Variants in YBX1 observed in about 807,000 individuals in gnomAD.
YBX1 encodes the protein Y-box-binding protein 1.
Under a neutral mutation model 41.4 loss-of-function variants are expected in YBX1, and 3 were observed. The observed-to-expected ratio is 0.07, with a 90% CI of 0.03 to 0.19. YBX1 has a LOEUF of 0.19. Ranked by LOEUF, YBX1 falls within the 10% of genes least tolerant of loss-of-function variation. The pLI, the probability that YBX1 is intolerant of heterozygous loss-of-function variation, is 1.00. For synonymous variants in YBX1, 133 were observed against 165.8 expected, an observed-to-expected ratio of 0.80 and a Z score of 1.52; for missense variants, 274 against 462.8, an observed-to-expected ratio of 0.59 and a Z score of 3.74.
In YBX1 at chr1:42,703,509, T is replaced by G. The variant is rs769894836; in HGVS notation, c.*1560T>G. On this transcript the variant is annotated 3_prime_UTR_variant, in exon 8 of 8. Coordinates refer to ENST00000321358, the MANE Select transcript of YBX1 (RefSeq NM_004559.5). ...TTTTTAACCCTACTTAGTGTAAATA[T>G]CTGTACTGCAGAAGTGAGTTAGCCT... Among the ~76,000 whole-genome samples, 28 of 152,100 alleles carry G rather than the reference T, an allele frequency of 1.8e-4. No homozygotes were observed. Among genetic ancestry groups the G allele is most frequent in the Non-Finnish European group, 2.4e-4 (16 of 68,018 alleles).
intron 6 of YBX1, 55 bp downstream of exon 6, chr1:42,697,317 C>G: frequency 6.4e-7 from 1 of 1,552,442 alleles, no homozygotes; most frequent in Non-Finnish European, 8.8e-7. Context: ...CGTGTTAGGA[C>G]TCAGCAATAT....
chr1:42,695,348 A>G (rs1333484957), intron 3 of YBX1, among the ~76,000 whole-genome samples: 1 of 152,224 alleles, frequency 6.6e-6, no homozygotes, highest in African/African-American at 2.4e-5. Context: ...TTGGAGACCC[A>G]ATACCTGGGT....
intron 3 of YBX1, among the ~76,000 whole-genome samples, chr1:42,695,218 A>G (rs1650430860): frequency 6.6e-6 from 1 of 152,278 alleles, no homozygotes; most frequent in East Asian, 1.9e-4. Context: ...GGGAGACTGC[A>G]GTTCTGGGCA....
chr1:42,697,035 G>C, intron 5 of YBX1, 91 bp downstream of exon 5: 5 of 1,458,332 alleles, frequency 3.4e-6, no homozygotes, highest in Non-Finnish European at 4.6e-6. Flanking sequence ...TGGATTCCTA[G>C]TAAGAACCAA....
rs759575880 is a variant in YBX1 at position 42,703,490 on chromosome 1, A to T, written c.*1541A>T. ...AGACTACTCAAAAAAAATTTTTTTA[A>T]CCCTACTTAGTGTAAATATCTGTAC... On this transcript the variant is annotated 3_prime_UTR_variant, in exon 8 of 8. Transcript: ENST00000321358. Among the ~76,000 whole-genome samples the T allele has an allele frequency of 6.6e-6, 1 of 151,980 alleles. No homozygotes were observed. Among genetic ancestry groups the T allele is most frequent in the African/African-American group, 2.4e-5 (1 of 41,364 alleles).
At chr1:42,694,512 T>G (rs2148739636) in intron 3 of YBX1, among the ~76,000 whole-genome samples, 1 of 152,314 alleles carries the variant, frequency 6.6e-6, no homozygotes, top group African/African-American at 2.4e-5. Flanking sequence ...ACCTAAAAGT[T>G]AATATCCATA....
chr1:42,695,774 G>A (rs1650443777), intron 3 of YBX1, among the ~76,000 whole-genome samples: 1 of 152,194 alleles, frequency 6.6e-6, no homozygotes, highest in African/African-American at 2.4e-5. Context: ...AAGTTGGTTT[G>A]GTCAGCTTTG....
chr1:42,687,383 A>G (rs1650221132), intron 2 of YBX1, among the ~76,000 whole-genome samples: 1 of 152,174 alleles, frequency 6.6e-6, no homozygotes, highest in African/African-American at 2.4e-5. Context: ...TCCCAGGTTC[A>G]AGCGATTCTC....
Position 42,696,547 on chromosome 1 carries a change from T to G in YBX1, c.355-95T>G. ...CTTTTTTTTCCTTAACTTTGTTGTT[T>G]TTTGCTTTGTTTGAAAATGTTCTGA... On this transcript the variant is annotated intron_variant, in intron 4 of 7. Transcript: ENST00000321358. This position sits in a 1 kb window ranked among gnomAD's most constrained non-coding sequence, Gnocchi z 5.7. 1 of 821,948 alleles carries G rather than the reference T, an allele frequency of 1.2e-6. No homozygotes were observed. Among genetic ancestry groups the G allele is most frequent in the Non-Finnish European group, 1.7e-6 (1 of 588,910 alleles). 50.9% of individuals were successfully genotyped at this position (821,948 alleles called of 1,614,324 possible). A position where few individuals can be genotyped will look rare whatever the true frequency, so the allele number is the denominator to read the frequency against.
intron 2 of YBX1, among the ~76,000 whole-genome samples, chr1:42,688,631 C>T (rs1439384190): frequency 6.6e-6 from 1 of 152,138 alleles, no homozygotes; most frequent in Non-Finnish European, 1.5e-5. Context: ...GTAAAAAGAA[C>T]TTGTAGTACA....
chr1:42,683,372 G>C, intron 1 of YBX1, 31 bp from the exon 2 acceptor site: 1 of 1,613,986 alleles, frequency 6.2e-7, no homozygotes, highest in Non-Finnish European at 8.5e-7. Context: ...GCTGGTAATC[G>C]TGGCTTGTTT....
chr1:42,696,659 T>C lies in YBX1; in HGVS notation c.372T>C (p.Asn124=). The C allele has an allele frequency of 1.9e-6, 3 of 1,578,568 alleles. No homozygotes were observed. The highest frequency in any genetic ancestry group is 2.6e-6 in the Non-Finnish European group (3 of 1,159,152). Residue 124 remains asparagine (N), a synonymous_variant, in exon 5 of 8, where the codon AAT becomes AAC. Coordinates refer to ENST00000321358, the MANE Select transcript of YBX1 (RefSeq NM_004559.5). This position sits in a 1 kb window ranked among gnomAD's most constrained non-coding sequence, Gnocchi z 5.7. ...TTTTGTAGGGTGCGGAGGCAGCAAA[T>C]GTTACAGGTCCTGGTGGTGTTCCAG... ...VEGEKGAEAA[N]VTGPGGVPVQ...
intron 2 of YBX1, among the ~76,000 whole-genome samples, chr1:42,690,398 T>C (rs1200404904): frequency 6.6e-6 from 1 of 152,136 alleles, no homozygotes; most frequent in Non-Finnish European, 1.5e-5. Context: ...ATGGAAAATA[T>C]TATAGACAGT....
intron 7 of YBX1, among the ~76,000 whole-genome samples, chr1:42,701,619 T>C (rs185245480): frequency 2.8e-4 from 43 of 152,282 alleles, no homozygotes; most frequent in African/African-American, 9.4e-4. Flanking sequence ...TGGTTTATCA[T>C]GGTTTATTTA....
chr1:42,683,484 G>C lies in YBX1; in HGVS notation c.230+18G>C, dbSNP rs1484776210. ...ATCAACAGGTGAGCTGCCGGGCTCT[G>C]AAGCCTCCATCCCACCTTCTTGCTT... On this transcript the variant is annotated intron_variant, in intron 2 of 7. Coordinates refer to ENST00000321358, the MANE Select transcript of YBX1 (RefSeq NM_004559.5). The C allele has an allele frequency of 1.2e-6, 2 of 1,612,644 alleles. No homozygotes were observed. Among genetic ancestry groups the C allele is most frequent in the Admixed American group, 3.3e-5 (2 of 60,026 alleles).
intron 1 of YBX1, 40 bp from the exon 2 acceptor site, chr1:42,683,363 C>G (rs776000240): frequency 1.2e-6 from 2 of 1,613,198 alleles, no homozygotes; most frequent in Non-Finnish European, 1.7e-6. Context: ...AAAAGGATAG[C>G]TGGTAATCGT....
intron 2 of YBX1, among the ~76,000 whole-genome samples, chr1:42,687,042 T>A (rs1650213346): frequency 6.6e-6 from 1 of 152,220 alleles, no homozygotes; most frequent in Non-Finnish European, 1.5e-5. Context: ...TCACTGGGGC[T>A]CTTGTCTGCT....
rs1650634127 is a variant in YBX1 at position 42,702,673 on chromosome 1, ACT to A, written c.*728_*729del. 6.6e-6 allele frequency among the ~76,000 whole-genome samples: 1 copy of A among 152,042 alleles called. No homozygotes were observed. The highest frequency in any genetic ancestry group is 2.1e-4 in the South Asian group (1 of 4,826). ...CATTGCTCTAGCCTAGACCGACCAG[ACT>A]CTCATCCTGCTCCACTTAGTTTTGT... is the stretch of plus-strand genomic sequence containing the variant. On this transcript the variant is annotated 3_prime_UTR_variant, in exon 8 of 8. Coordinates refer to ENST00000321358, the MANE Select transcript of YBX1 (RefSeq NM_004559.5).
intron 3 of YBX1, among the ~76,000 whole-genome samples, chr1:42,695,264 C>T (rs1378544393): frequency 2.0e-5 from 3 of 152,148 alleles, no homozygotes; most frequent in Admixed American, 6.5e-5. Flanking sequence ...GTTGATTGTC[C>T]TGTCTCCTCT....
Sources: allele counts gnomAD v4.1 joint callset (sites outside exome capture counted in the v4.1 genomes callset), GRCh38; gene constraint gnomAD v4.1.1; non-coding constraint Gnocchi (gnomAD v3.1); transcripts MANE v1.5; gene names NCBI Gene and HGNC (gene_info 2026-07-23, HGNC 2026-07-21).